The following FGF14 variants were observed in gnomAD, a reference collection of about 807,000 sequenced individuals.
FGF14 encodes fibroblast growth factor homologous factor 4.
A neutral mutation model predicts 25.5 loss-of-function variants in FGF14; 5 were observed. That is an observed-to-expected ratio of 0.20 (90% confidence interval 0.10 to 0.41). The LOEUF (loss-of-function observed/expected upper bound fraction) is 0.41, where lower values mean the gene tolerates loss of function less well. Ranked by LOEUF, FGF14 falls within the 10% of genes least tolerant of loss-of-function variation. The pLI is 1.00. For missense variants in FGF14, 222 were observed against 320.1 expected (o/e 0.69, Z 2.34); for synonymous variants, 138 against 118.3 (o/e 1.17, Z -1.08).
intron 1 of FGF14, among the ~76,000 whole-genome samples, chr13:101,973,429 G>A (rs748090885): frequency 6.6e-6 from 1 of 152,050 alleles, no homozygotes. Context: ...CTGGATGAAC[G>A]TATTAGTCAA....
At chr13:101,760,577 C>T (rs1478728950) in intron 3 of FGF14, among the ~76,000 whole-genome samples, 1 of 152,222 alleles carries the variant, frequency 6.6e-6, no homozygotes, top group Non-Finnish European at 1.5e-5. Flanking sequence ...AGTGGCTCCC[C>T]ATCCCTTAAA....
At chr13:102,046,781 G>A (rs2042003259) in intron 1 of FGF14, among the ~76,000 whole-genome samples, 1 of 152,160 alleles carries the variant, frequency 6.6e-6, no homozygotes, top group African/African-American at 2.4e-5. Flanking sequence ...AGCAAGGGAT[G>A]ATTTTAAAAA....
At chr13:102,083,690 T>C (rs971315670) in intron 1 of FGF14, among the ~76,000 whole-genome samples, 32 of 152,370 alleles carry the variant, frequency 2.1e-4, no homozygotes, top group African/African-American at 6.5e-4. Flanking sequence ...TTTATGATTT[T>C]ACCTGCATTT....
At chr13:102,230,305 G>C (rs2051020869) in intron 1 of FGF14, among the ~76,000 whole-genome samples, 1 of 152,142 alleles carries the variant, frequency 6.6e-6, no homozygotes, top group African/African-American at 2.4e-5. Flanking sequence ...CTGAGTTTAT[G>C]ATATTTCTTT....
chr13:102,360,222 T>C (rs901771283), intron 1 of FGF14, among the ~76,000 whole-genome samples: 2 of 152,188 alleles, frequency 1.3e-5, no homozygotes, highest in Non-Finnish European at 2.9e-5. Flanking sequence ...AGGATCAAGA[T>C]CATCCCTTTC....
At chr13:102,233,924 T>C (rs1264179600) in intron 1 of FGF14, among the ~76,000 whole-genome samples, 2 of 152,222 alleles carry the variant, frequency 1.3e-5, no homozygotes, top group East Asian at 3.8e-4. Context: ...AACTGTTAAA[T>C]AAACTATGCT....
chr13:102,245,381 T>TTTTAA (rs2051815309), intron 1 of FGF14, among the ~76,000 whole-genome samples: 1 of 152,128 alleles, frequency 6.6e-6, no homozygotes, highest in Admixed American at 6.6e-5. Flanking sequence ...ACGATGAGTC[T>TTTTAA]TTTAAAAATG....
chr13:102,153,316 A>G (rs901443394), intron 1 of FGF14, among the ~76,000 whole-genome samples: 7 of 152,226 alleles, frequency 4.6e-5, no homozygotes, highest in African/African-American at 1.7e-4. Context: ...TCTCTGAAAT[A>G]AAGATGATGG....
chr13:102,008,189 C>T (rs2139782899), intron 1 of FGF14, among the ~76,000 whole-genome samples: 1 of 152,304 alleles, frequency 6.6e-6, no homozygotes, highest in South Asian at 2.1e-4. Context: ...TGGTGTGTAT[C>T]TATTACGTAT....
intron 1 of FGF14, among the ~76,000 whole-genome samples, chr13:102,379,074 A>G (rs1210679820): frequency 6.6e-6 from 1 of 152,164 alleles, no homozygotes; most frequent in African/African-American, 2.4e-5. Context: ...GACACTGTCT[A>G]TTAAAGGGAA....
chr13:101,751,742 A>G (rs925564656), intron 3 of FGF14, among the ~76,000 whole-genome samples: 7 of 152,172 alleles, frequency 4.6e-5, no homozygotes, highest in Non-Finnish European at 2.9e-5. Flanking sequence ...GAGGAGTAGC[A>G]GTTGAGACCA....
intron 1 of FGF14, among the ~76,000 whole-genome samples, chr13:102,324,494 A>G (rs1239726737): frequency 3.3e-5 from 5 of 152,214 alleles, no homozygotes; most frequent in Non-Finnish European, 5.9e-5. Flanking sequence ...GCAATCATAA[A>G]CAATACCTAG....
intron 1 of FGF14, among the ~76,000 whole-genome samples, chr13:102,124,566 T>G (rs1286597842): frequency 6.6e-6 from 1 of 152,126 alleles, no homozygotes; most frequent in Non-Finnish European, 1.5e-5. Flanking sequence ...AAATGTCTTT[T>G]ACCCTTAGAA....
intron 3 of FGF14, among the ~76,000 whole-genome samples, chr13:101,775,945 A>G (rs1377696386): frequency 6.6e-6 from 1 of 152,192 alleles, no homozygotes; most frequent in Non-Finnish European, 1.5e-5. Context: ...TATAAAATAC[A>G]TTGCATGGCA....
intron 1 of FGF14, among the ~76,000 whole-genome samples, chr13:101,942,578 C>A (rs2035526172): frequency 6.6e-6 from 1 of 152,178 alleles, no homozygotes; most frequent in Non-Finnish European, 1.5e-5. Flanking sequence ...AAAACACTGA[C>A]AATCAGTGAA....
intron 1 of FGF14, among the ~76,000 whole-genome samples, chr13:101,984,151 A>T (rs139942114): frequency 1.1e-4 from 17 of 152,304 alleles, no homozygotes; most frequent in Admixed American, 7.2e-4. Context: ...ACTGCTATGG[A>T]ATATGCGCTC....
intron 1 of FGF14, among the ~76,000 whole-genome samples, chr13:102,378,678 G>A (rs1010511754): frequency 6.8e-6 from 1 of 147,874 alleles, no homozygotes; most frequent in Non-Finnish European, 1.5e-5. Context: ...ATTTAAAGGC[G>A]GTATTCTCCC....
At chr13:102,005,081 G>A (rs949520837) in intron 1 of FGF14, among the ~76,000 whole-genome samples, 1 of 152,154 alleles carries the variant, frequency 6.6e-6, no homozygotes, top group African/African-American at 2.4e-5. Context: ...ATTGCATTAG[G>A]AATGTCAGGC....
intron 1 of FGF14, among the ~76,000 whole-genome samples, chr13:102,340,669 T>C (rs1177936754): frequency 6.6e-6 from 1 of 152,116 alleles, no homozygotes; most frequent in Non-Finnish European, 1.5e-5. Context: ...AGAGAAAGTG[T>C]CCAACAAACA....
Sources: gnomAD v4.1 joint callset for allele counts (sites outside exome capture counted in the v4.1 genomes callset) on GRCh38, gnomAD v4.1.1 for gene constraint, MANE v1.5 for transcripts, NCBI Gene and HGNC (gene_info 2026-07-23, HGNC 2026-07-21) for gene names.